Variants in ZNF136 observed in about 807,000 individuals in gnomAD.
ZNF136 encodes zinc finger protein 136, also known as zinc finger protein 136 (clone pHZ-20).
ZNF136 carries 8 observed loss-of-function variants against 11.4 expected under a neutral mutation model. The ratio of observed to expected loss-of-function variants is 0.70; its 90% CI spans 0.41 to 1.27. ZNF136 has a LOEUF of 1.27. Among genes scored for constraint, ZNF136 ranks in the 50% most tolerant of loss-of-function variants. The probability of loss-of-function intolerance (pLI) is 0.01; values close to 1 mark genes in which losing one functional copy is unlikely to be tolerated. For synonymous variants in ZNF136, 190 were observed against 207.1 expected (o/e 0.92, Z 0.71); for missense variants, 590 against 656.5 (o/e 0.90, Z 1.11).
At chr19:12,173,600 T>C (rs971230405) in intron 1 of ZNF136, among the ~76,000 whole-genome samples, 1 of 152,230 alleles carries the variant, frequency 6.6e-6, no homozygotes, top group Non-Finnish European at 1.5e-5. Context: ...TCCACCTGGC[T>C]GTTTATTTGT....
chr19:12,183,907 T>TA (rs1430457420), intron 1 of ZNF136, among the ~76,000 whole-genome samples: 1 of 152,228 alleles, frequency 6.6e-6, no homozygotes. Flanking sequence ...CGGCCACTGA[T>TA]ACATTTTGAT....
At chr19:12,178,435 G>A (rs547671716) in intron 1 of ZNF136, among the ~76,000 whole-genome samples, 5 of 152,220 alleles carry the variant, frequency 3.3e-5, no homozygotes, top group Middle Eastern at 6.8e-3. Flanking sequence ...GAAGATTGTG[G>A]GTCTTTCCTA....
intron 1 of ZNF136, among the ~76,000 whole-genome samples, 159 bp downstream of exon 1, chr19:12,163,365 G>A (rs1266303940): frequency 6.6e-6 from 1 of 152,238 alleles, no homozygotes; most frequent in African/African-American, 2.4e-5. Flanking sequence ...CGGCCTCAGG[G>A]TGGGGCTGGG....
intron 1 of ZNF136, chr19:12,164,726 CTG>C (rs1393732244): frequency 6.6e-6 from 1 of 152,202 alleles, no homozygotes; most frequent in Non-Finnish European, 1.5e-5. Flanking sequence ...ACAGGCGTAA[CTG>C]TACCCGGCCT....
chr19:12,178,857 C>T (rs563176921), intron 1 of ZNF136, among the ~76,000 whole-genome samples: 53 of 151,904 alleles, frequency 3.5e-4, no homozygotes, highest in African/African-American at 1.2e-3. Flanking sequence ...GGCGTGGTGG[C>T]GGGCACCCAT....
chr19:12,185,608 C>T (rs543586864), intron 1 of ZNF136, 177 bp from the exon 2 acceptor site: 13 of 732,484 alleles, frequency 1.8e-5, no homozygotes, highest in South Asian at 7.0e-5. Flanking sequence ...TTGTTCTACC[C>T]GATAGTTCCA....
chr19:12,186,272 A>C, intron 3 of ZNF136, 98 bp downstream of exon 3: 1 of 1,253,198 alleles, frequency 8.0e-7, no homozygotes, highest in Non-Finnish European at 1.1e-6. Context: ...CCAAGCTTCA[A>C]ATTGATTTAT....
In ZNF136 at chr19:12,189,388, C is replaced by G. The variant is rs1388250325; in HGVS notation, c.*1387C>G. The stretch of plus-strand genomic sequence containing the variant: ...TTTTGAGACAGGGTCTCGCTCTGTG[C>G]TCTGTTGCCCAAGCTGGAGTACAGT... On this transcript the variant is annotated 3_prime_UTR_variant, in exon 4 of 4. Transcript: ENST00000343979. 6.6e-6 allele frequency: 1 copy of G among 151,936 alleles called. No individual in the cohort carries two copies. Among genetic ancestry groups the G allele is most frequent in the Non-Finnish European group, 1.5e-5 (1 of 68,028 alleles). 9.4% of individuals were successfully genotyped at this position (151,936 alleles called of 1,614,324 possible). A position where few individuals can be genotyped will look rare whatever the true frequency, so the allele number is the denominator to read the frequency against.
At chr19:12,186,018 A>G (rs2145642408) in intron 2 of ZNF136, 96 bp from the exon 3 acceptor site, 1 of 1,594,112 alleles carries the variant, frequency 6.3e-7, no homozygotes, top group Non-Finnish European at 8.6e-7. Context: ...TTGGGGGGCT[A>G]AAACAGGCAT....
chr19:12,186,730 A>C lies in ZNF136; in HGVS notation c.352A>C (p.Asn118His). 1.2e-6 allele frequency: 2 copies of C among 1,614,160 alleles called. No individual in the cohort carries two copies. The highest frequency in any genetic ancestry group is 1.7e-6 in the Non-Finnish European group (2 of 1,180,012). ...GEVSMGQSSL[N>H]RHIKDHSGHE... ...AGTCAGCATGGGTCAGTCATCCCTT[A>C]ATAGACACATCAAAGATCACAGTGG... The change falls in exon 4 of 4, where the codon AAT (asparagine) becomes CAT (histidine). Residue 118 changes from asparagine to histidine, a missense_variant. Physicochemically the swap from Asn to His is moderately conservative, Grantham distance 68 (BLOSUM62 1). Coordinates refer to ENST00000343979, the MANE Select transcript of ZNF136 (RefSeq NM_003437.5).
intron 1 of ZNF136, among the ~76,000 whole-genome samples, chr19:12,173,627 T>A (rs1914715581): frequency 6.6e-6 from 1 of 152,164 alleles, no homozygotes; most frequent in Non-Finnish European, 1.5e-5. Flanking sequence ...TAAAATAGCC[T>A]TTATAATAAA....
At position 12,173,481 on chromosome 19, in the gene ZNF136, A is replaced by G. The variant is rs530744423; in HGVS notation, c.3+10275A>G. Among the ~76,000 whole-genome samples, 15 of 152,248 alleles carry G rather than the reference A, an allele frequency of 9.9e-5. No homozygotes were observed. The East Asian group carries it at 2.7e-3, about 27-fold the overall frequency. ...AACTCAGGGAGTCTTGTATTATAATAGGAAGGTGATCAAGAACTCATCCTC... is the reference window on the plus strand; with the variant it reads ...AACTCAGGGAGTCTTGTATTATAATGGGAAGGTGATCAAGAACTCATCCTC... On this transcript the variant is annotated intron_variant, in intron 1 of 3. Coordinates refer to ENST00000343979, the MANE Select transcript of ZNF136 (RefSeq NM_003437.5).
At chr19:12,183,503 A>G (rs564386767) in intron 1 of ZNF136, among the ~76,000 whole-genome samples, 39 of 152,306 alleles carry the variant, frequency 2.6e-4, no homozygotes, top group Non-Finnish European at 4.6e-4. Flanking sequence ...GAAAAAGCTC[A>G]GAGAAATAGG....
intron 1 of ZNF136, among the ~76,000 whole-genome samples, chr19:12,174,794 C>G (rs1914748405): frequency 6.6e-6 from 1 of 151,696 alleles, no homozygotes; most frequent in Non-Finnish European, 1.5e-5. Flanking sequence ...CACCAACACA[C>G]CCAGCTAATT....
intron 1 of ZNF136, among the ~76,000 whole-genome samples, chr19:12,183,744 G>A (rs1349472397): frequency 1.3e-5 from 2 of 152,022 alleles, no homozygotes; most frequent in Non-Finnish European, 2.9e-5. Context: ...GACTACAGGC[G>A]TGCACCACCA....
intron 1 of ZNF136, among the ~76,000 whole-genome samples, chr19:12,171,729 A>G (rs1457334465): frequency 6.6e-6 from 1 of 151,730 alleles, no homozygotes; most frequent in Non-Finnish European, 1.5e-5. Context: ...TTCTGCATGC[A>G]CCATCATCAA....
chr19:12,178,436 G>A (rs894041221), intron 1 of ZNF136, among the ~76,000 whole-genome samples: 3 of 152,186 alleles, frequency 2.0e-5, no homozygotes, highest in African/African-American at 7.2e-5. Context: ...AAGATTGTGG[G>A]TCTTTCCTAT....
intron 3 of ZNF136, 151 bp downstream of exon 3, chr19:12,186,325 A>T (rs1188733523): frequency 2.2e-6 from 2 of 911,698 alleles, no homozygotes; most frequent in Non-Finnish European, 3.3e-6. Context: ...CAGTGTAAAC[A>T]GATGTTCAGT....
Position 12,168,057 on chromosome 19 carries a change from C to CTTTTTTTTTTTTTT in ZNF136, c.3+4868_3+4881dup, listed in dbSNP as rs386388563. 5.0e-3 allele frequency among the ~76,000 whole-genome samples: 359 copies of CTTTTTTTTTTTTTT among 71,170 alleles called. 39 individuals are homozygous for CTTTTTTTTTTTTTT. The highest frequency in any genetic ancestry group is 0.018 in the Middle Eastern group (1 of 56). 46.7% of individuals were successfully genotyped at this position (71,170 alleles called of 152,430 possible). A position where few individuals can be genotyped will look rare whatever the true frequency, so the allele number is the denominator to read the frequency against. ...GCCCATTTTTTTTTCTTTTCTTTTTCTTTTTTTTTTTTTTTTTTTTTTTTT... is the reference window on the plus strand; with the variant it reads ...GCCCATTTTTTTTTCTTTTCTTTTTCTTTTTTTTTTTTTTTTTTTTTTTTTTTTTTTTTTTTTTT... On this transcript the variant is annotated intron_variant, in intron 1 of 3. Transcript: ENST00000343979.
Sources: gnomAD v4.1 joint callset for allele counts (sites outside exome capture counted in the v4.1 genomes callset) on GRCh38, gnomAD v4.1.1 for gene constraint, MANE v1.5 for transcripts, NCBI Gene and HGNC (gene_info 2026-07-23, HGNC 2026-07-21) for gene names.